KIF21A: variants seen among roughly 807,000 people sequenced by gnomAD.
KIF21A encodes kinesin family member 21A.
KIF21A carries 114 observed loss-of-function variants against 202.9 expected under a neutral mutation model. The ratio of observed to expected loss-of-function variants is 0.56; its 90% CI spans 0.48 to 0.66. The LOEUF (loss-of-function observed/expected upper bound fraction) is 0.66, where lower values mean the gene tolerates loss of function less well. KIF21A is among the 30% of genes least tolerant of loss of function. The probability of loss-of-function intolerance (pLI) is 0.00; values close to 1 mark genes in which losing one functional copy is unlikely to be tolerated. For missense variants in KIF21A, 1,677 were observed against 1,994.9 expected (o/e 0.84, Z 3.04); for synonymous variants, 667 against 670.8 (o/e 0.99, Z 0.09).
At chr12:39,302,121 G>C (rs950855605) in intron 36 of KIF21A, among the ~76,000 whole-genome samples, 1 of 152,094 alleles carries the variant, frequency 6.6e-6, no homozygotes, top group African/African-American at 2.4e-5. Context: ...GATTTATGCA[G>C]AAGACCAGAG....
intron 1 of KIF21A, among the ~76,000 whole-genome samples, chr12:39,374,891 A>G (rs963217504): frequency 2.6e-5 from 4 of 152,190 alleles, no homozygotes; most frequent in African/African-American, 9.6e-5. Flanking sequence ...AAGGTTGAAT[A>G]AACTACTTTT....
chr12:39,309,054 C>A (rs1374920021), intron 33 of KIF21A, among the ~76,000 whole-genome samples: 2 of 152,070 alleles, frequency 1.3e-5, no homozygotes, highest in East Asian at 1.9e-4. Context: ...ATAATGAGCA[C>A]AGAAAAAACA....
chr12:39,439,562 A>T (rs1939280829), intron 1 of KIF21A, among the ~76,000 whole-genome samples: 1 of 152,226 alleles, frequency 6.6e-6, no homozygotes, highest in Non-Finnish European at 1.5e-5. Context: ...TGTTCAAAAC[A>T]TACTTAAAAG....
chr12:39,366,647 T>G (rs1479657383), intron 5 of KIF21A, 130 bp from the exon 6 acceptor site: 1 of 700,382 alleles, frequency 1.4e-6, no homozygotes, highest in Admixed American at 2.9e-5. Flanking sequence ...CCAAATAAAT[T>G]CAAAAATGTC....
chr12:39,358,124 A>T, intron 8 of KIF21A, 54 bp downstream of exon 8: 1 of 1,462,496 alleles, frequency 6.8e-7, no homozygotes, highest in Non-Finnish European at 9.6e-7. Context: ...TTGTGTTCAG[A>T]AAGTGCCAGC....
At chr12:39,414,582 T>C (rs1953383216) in intron 1 of KIF21A, among the ~76,000 whole-genome samples, 1 of 152,176 alleles carries the variant, frequency 6.6e-6, no homozygotes, top group Non-Finnish European at 1.5e-5. Flanking sequence ...ACCATAACTC[T>C]GGGAAGAAAT....
At chr12:39,308,095 G>A (rs958577316) in intron 33 of KIF21A, among the ~76,000 whole-genome samples, 1 of 152,154 alleles carries the variant, frequency 6.6e-6, no homozygotes. Context: ...ATGCCTGGGT[G>A]TAGTGGCTCA....
At chr12:39,434,253 CTT>C (rs1222641433) in intron 1 of KIF21A, among the ~76,000 whole-genome samples, 1 of 152,160 alleles carries the variant, frequency 6.6e-6, no homozygotes, top group Non-Finnish European at 1.5e-5. Flanking sequence ...GGACTAAACT[CTT>C]TTATAACAAA....
At chr12:39,395,632 A>G (rs780191461) in intron 1 of KIF21A, among the ~76,000 whole-genome samples, 11 of 151,988 alleles carry the variant, frequency 7.2e-5, no homozygotes, top group Non-Finnish European at 1.0e-4. Context: ...TCCTGAGGTC[A>G]GGAGTTGGAG....
intron 24 of KIF21A, among the ~76,000 whole-genome samples, chr12:39,327,969 TAA>T (rs987437788): frequency 3.9e-5 from 6 of 152,252 alleles, no homozygotes; most frequent in Admixed American, 3.9e-4. Context: ...GTTGGATTTT[TAA>T]AAGTCTTCCT....
chr12:39,384,106 A>T (rs1018336053), intron 1 of KIF21A, among the ~76,000 whole-genome samples: 3 of 152,178 alleles, frequency 2.0e-5, no homozygotes, highest in African/African-American at 7.2e-5. Context: ...AAGAGATAAC[A>T]TGGTATTTCA....
At chr12:39,420,074 T>TAA (rs72435342) in intron 1 of KIF21A, among the ~76,000 whole-genome samples, 925 of 83,092 alleles carry the variant, frequency 0.011, 32 homozygotes, top group East Asian at 0.11. Flanking sequence ...AGACAGAAAG[T>TAA]AAAAAAAAAA....
At chr12:39,313,843 T>C (rs1592084371) in intron 31 of KIF21A, among the ~76,000 whole-genome samples, 1 of 151,834 alleles carries the variant, frequency 6.6e-6, no homozygotes, top group East Asian at 1.9e-4. Flanking sequence ...GTTTTAGATG[T>C]CCCATTTTAA....
chr12:39,344,189 T>C (rs11171789), intron 12 of KIF21A, among the ~76,000 whole-genome samples: 46,357 of 151,994 alleles, frequency 0.3, 9,058 homozygotes, highest in African/African-American at 0.55. Context: ...ATACTGAATG[T>C]CTCTCTTAGG....
At chr12:39,386,076 T>C (rs1950925952) in intron 1 of KIF21A, among the ~76,000 whole-genome samples, 1 of 152,202 alleles carries the variant, frequency 6.6e-6, no homozygotes, top group Non-Finnish European at 1.5e-5. Flanking sequence ...GTGGCATAAA[T>C]TGCTAATGGT....
At chr12:39,298,371 G>C (rs1942619718) in intron 37 of KIF21A, among the ~76,000 whole-genome samples, 1 of 152,284 alleles carries the variant, frequency 6.6e-6, no homozygotes, top group African/African-American at 2.4e-5. Context: ...TACATGAGTA[G>C]AGTGCAACTA....
At position 39,363,204 on chromosome 12, in the gene KIF21A, C is replaced by T; in HGVS notation, c.913G>A (p.Gly305Ser). The T allele has an allele frequency of 1.3e-6, 2 of 1,598,546 alleles. No individual in the cohort carries two copies. The highest frequency in any genetic ancestry group is 1.7e-6 in the Non-Finnish European group (2 of 1,166,488). The change falls in exon 7 of 38, where the codon GGC becomes AGC. Residue 305 changes from glycine (G) to serine (S), a missense_variant. Physicochemically the swap from Gly to Ser is moderately conservative, Grantham distance 56. Transcript: ENST00000361418. ...TCTCCCAAGGCACTTATTACATTGCCAAGTGCCAACTAAAAGAAAGAGAAA... is the reference window on the plus strand; with the variant it reads ...TCTCCCAAGGCACTTATTACATTGCTAAGTGCCAACTAAAAGAAAGAGAAA... ...ISINCGLLAL[G>S]NVISALGDKS... is the part of the protein sequence containing the mutation.
At chr12:39,402,841 GA>G (rs1952272613) in intron 1 of KIF21A, among the ~76,000 whole-genome samples, 1 of 152,018 alleles carries the variant, frequency 6.6e-6, no homozygotes, top group Admixed American at 6.6e-5. Context: ...GTGACCCAGG[GA>G]AGCCAAAAGA....
chr12:39,369,447 G>A (rs982784985), intron 3 of KIF21A, among the ~76,000 whole-genome samples: 5 of 152,166 alleles, frequency 3.3e-5, no homozygotes, highest in African/African-American at 1.2e-4. Flanking sequence ...GTGACAGAAT[G>A]AGACTCTTAT....
Sources: allele counts gnomAD v4.1 joint callset (sites outside exome capture counted in the v4.1 genomes callset), GRCh38; gene constraint gnomAD v4.1.1; transcripts MANE v1.5; gene names NCBI Gene and HGNC (gene_info 2026-07-23, HGNC 2026-07-21).